Variants in LHFPL3 observed in about 807,000 individuals in gnomAD.
The protein encoded by LHFPL3 is LHFPL tetraspan subfamily member 3 protein.
In LHFPL3, 5 loss-of-function variants were observed where a neutral mutation model predicts 19.3. The ratio of observed to expected loss-of-function variants is 0.26; its 90% CI spans 0.14 to 0.54. LHFPL3 has a LOEUF of 0.54. Ranked by LOEUF, LHFPL3 falls within the 20% of genes least tolerant of loss-of-function variation. LHFPL3 has a pLI of 0.94. For missense variants in LHFPL3, 249 were observed against 307.4 expected, an observed-to-expected ratio of 0.81 and a Z score of 1.42; for synonymous variants, 133 against 126.2, an observed-to-expected ratio of 1.05 and a Z score of -0.36.
chr7:104,437,989 A>T (rs1180581991), intron 1 of LHFPL3, among the ~76,000 whole-genome samples: 1 of 152,202 alleles, frequency 6.6e-6, no homozygotes, highest in Admixed American at 6.5e-5. Flanking sequence ...CAGCCACCAT[A>T]CAGGAGTCCA....
chr7:104,388,185 T>A (rs993223650), intron 1 of LHFPL3, among the ~76,000 whole-genome samples: 3 of 152,128 alleles, frequency 2.0e-5, no homozygotes, highest in Non-Finnish European at 4.4e-5. Context: ...TCCAATCCAC[T>A]GTTGATAGGC....
chr7:104,456,371 T>A (rs146588051), intron 1 of LHFPL3, among the ~76,000 whole-genome samples: 1,611 of 152,268 alleles, frequency 0.011, 17 homozygotes, highest in Admixed American at 0.02. Flanking sequence ...TTTAAGAAAC[T>A]GAAACAATAG....
chr7:104,800,024 C>T (rs1790213964), intron 2 of LHFPL3: 1 of 152,568 alleles, frequency 6.6e-6, no homozygotes, highest in Non-Finnish European at 1.5e-5. Context: ...TTTGCAAGTG[C>T]CAGATCTCAG....
intron 1 of LHFPL3, among the ~76,000 whole-genome samples, chr7:104,603,110 CTTTCTTTCTT>C (rs1562947484): frequency 7.6e-6 from 1 of 130,866 alleles, no homozygotes; most frequent in African/African-American, 2.9e-5. Context: ...TTCTTTCTTT[CTTTCTTTCTT>C]TCTTTCTTTC....
chr7:104,846,252 C>T (rs1791310790), intron 2 of LHFPL3, among the ~76,000 whole-genome samples: 2 of 152,186 alleles, frequency 1.3e-5, no homozygotes, highest in South Asian at 4.1e-4. Context: ...GGATTTGTCC[C>T]TAACAGCGTA....
At chr7:104,556,949 G>T (rs1429019935) in intron 1 of LHFPL3, among the ~76,000 whole-genome samples, 1 of 152,150 alleles carries the variant, frequency 6.6e-6, no homozygotes, top group African/African-American at 2.4e-5. Flanking sequence ...CAGTCTCTTT[G>T]CTAAAACATA....
chr7:104,561,869 G>A (rs559938775), intron 1 of LHFPL3, among the ~76,000 whole-genome samples: 16 of 152,236 alleles, frequency 1.1e-4, no homozygotes, highest in African/African-American at 3.1e-4. Context: ...CTCTTGTAAG[G>A]CAGGCCTGGT....
intron 1 of LHFPL3, among the ~76,000 whole-genome samples, chr7:104,390,132 T>C (rs972287276): frequency 4.0e-5 from 6 of 151,474 alleles, no homozygotes; most frequent in African/African-American, 1.5e-4. Context: ...ATGCAGAATA[T>C]ATAAAGGACA....
intron 1 of LHFPL3, among the ~76,000 whole-genome samples, chr7:104,591,698 C>G (rs1367938980): frequency 6.6e-6 from 1 of 152,174 alleles, no homozygotes; most frequent in Non-Finnish European, 1.5e-5. Context: ...TAGATAATGT[C>G]CTGAAGAGTG....
intron 2 of LHFPL3, among the ~76,000 whole-genome samples, chr7:104,865,513 C>G (rs186305543): frequency 2.6e-5 from 4 of 152,004 alleles, no homozygotes; most frequent in Non-Finnish European, 4.4e-5. Context: ...AGCAAGAAGA[C>G]AAGTTTAGAG....
chr7:104,893,189 G>T (rs1792286432), intron 2 of LHFPL3, among the ~76,000 whole-genome samples: 1 of 151,436 alleles, frequency 6.6e-6, no homozygotes, highest in Non-Finnish European at 1.5e-5. Context: ...ACTCCAACCT[G>T]GCTGACAAGG....
intron 2 of LHFPL3, among the ~76,000 whole-genome samples, chr7:104,759,308 CAG>C (rs1447685861): frequency 2.6e-5 from 4 of 152,058 alleles, no homozygotes; most frequent in Non-Finnish European, 5.9e-5. Context: ...CCGAGTTACT[CAG>C]AGTTAACTCT....
intron 2 of LHFPL3, among the ~76,000 whole-genome samples, chr7:104,884,520 C>A (rs937755093): frequency 6.6e-6 from 1 of 152,058 alleles, no homozygotes; most frequent in Non-Finnish European, 1.5e-5. Context: ...GAATTTTACA[C>A]GTGATAAAGC....
chr7:104,828,614 A>G (rs1790870293), intron 2 of LHFPL3, among the ~76,000 whole-genome samples: 1 of 152,148 alleles, frequency 6.6e-6, no homozygotes, highest in South Asian at 2.1e-4. Context: ...CCCTCTTAGG[A>G]AAGCACCGCC....
chr7:104,542,016 A>G lies in LHFPL3; in HGVS notation c.446-194659A>G, dbSNP rs574781533. Among the ~76,000 whole-genome samples, 47 of 152,058 alleles carry G rather than the reference A, an allele frequency of 3.1e-4. 1 individual carries two copies. The South Asian group carries it at 8.5e-3, about 28-fold the overall frequency. ...GCTGTGAGAGCCAGGAGAGGAGGGT[A>G]TTTGAAGCAAGAAGTGGGCATCTCA... is the stretch of plus-strand genomic sequence containing the variant. On this transcript the variant is annotated intron_variant, in intron 1 of 2. Transcript: ENST00000424859.
At chr7:104,454,987 C>G (rs908457487) in intron 1 of LHFPL3, among the ~76,000 whole-genome samples, 22 of 152,178 alleles carry the variant, frequency 1.4e-4, no homozygotes, top group African/African-American at 5.3e-4. Flanking sequence ...CCCCTTCCAT[C>G]TTGTCTTATT....
At chr7:104,755,784 C>T (rs937902333) in intron 2 of LHFPL3, among the ~76,000 whole-genome samples, 2 of 152,242 alleles carry the variant, frequency 1.3e-5, no homozygotes, top group African/African-American at 4.8e-5. Flanking sequence ...CAACCTCTGC[C>T]TCCTGGGTTC....
At chr7:104,602,177 T>G (rs1436408438) in intron 1 of LHFPL3, among the ~76,000 whole-genome samples, 1 of 151,840 alleles carries the variant, frequency 6.6e-6, no homozygotes, top group African/African-American at 2.4e-5. Context: ...TGCACCACCA[T>G]GCCTGGCTAA....
At chr7:104,872,261 C>T (rs1376740897) in intron 2 of LHFPL3, among the ~76,000 whole-genome samples, 1 of 151,506 alleles carries the variant, frequency 6.6e-6, no homozygotes, top group Non-Finnish European at 1.5e-5. Context: ...CGCTTGAACC[C>T]GGGAGGCAGA....
Sources: gnomAD v4.1 joint callset for allele counts (sites outside exome capture counted in the v4.1 genomes callset) on GRCh38, gnomAD v4.1.1 for gene constraint, MANE v1.5 for transcripts, NCBI Gene and HGNC (gene_info 2026-07-23, HGNC 2026-07-21) for gene names.